Variants in SPESP1 observed in about 807,000 individuals in gnomAD.
The protein encoded by SPESP1 is sperm equatorial segment protein 1.
A neutral mutation model predicts 3.1 loss-of-function variants in SPESP1; 1 was observed. The observed-to-expected ratio is 0.33, with a 90% CI of 0.12 to 1.54. SPESP1 has a LOEUF of 1.54. SPESP1 is among the 40% of genes most tolerant of loss of function. The pLI, the probability that SPESP1 is intolerant of heterozygous loss-of-function variation, is 0.38. For missense variants in SPESP1, 398 were observed against 410.1 expected, an observed-to-expected ratio of 0.97 and a Z score of 0.26; for synonymous variants, 138 against 150.7, an observed-to-expected ratio of 0.92 and a Z score of 0.62.
At chr15:68,933,425 C>G (rs1272369650) in intron 1 of SPESP1, among the ~76,000 whole-genome samples, 1 of 152,098 alleles carries the variant, frequency 6.6e-6, no homozygotes, top group East Asian at 1.9e-4. Context: ...TTTCCTCTAC[C>G]TGATTTTTCC....
chr15:68,935,336 C>G (rs1895656057), intron 1 of SPESP1, among the ~76,000 whole-genome samples: 1 of 152,166 alleles, frequency 6.6e-6, no homozygotes, highest in South Asian at 2.1e-4. Context: ...CTAGACTCAG[C>G]TGGGCAGCTC....
chr15:68,931,977 TACAAC>T (rs1895555251), intron 1 of SPESP1, among the ~76,000 whole-genome samples: 3 of 152,324 alleles, frequency 2.0e-5, no homozygotes, highest in Middle Eastern at 3.4e-3. Context: ...AAACTGAAAA[TACAAC>T]ACAATCTAAA....
chr15:68,945,649 G>C lies in SPESP1; in HGVS notation c.115G>C (p.Val39Leu), dbSNP rs1418911400. Residue 39 changes from valine (V) to leucine (L), a missense_variant, in exon 2 of 2, where the codon GTT (valine) becomes CTT (leucine). Transcript: ENST00000310673. ...EEQNLNHYIQ[V>L]LENLVRSVPS... ...GCAAAACTTGAATCATTATATACAA[G>C]TTTTAGAGAACCTAGTACGAAGTGT... 1.9e-6 allele frequency: 3 copies of C among 1,602,206 alleles called. No homozygotes were observed. The highest frequency in any genetic ancestry group is 2.5e-6 in the Non-Finnish European group (3 of 1,177,126).
At chr15:68,942,158 A>G (rs1595721133) in intron 1 of SPESP1, among the ~76,000 whole-genome samples, 1 of 141,546 alleles carries the variant, frequency 7.1e-6, no homozygotes, top group Non-Finnish European at 1.5e-5. Context: ...TATGTAAACA[A>G]CATCTTATTT....
intron 1 of SPESP1, among the ~76,000 whole-genome samples, chr15:68,933,281 G>A (rs139312404): frequency 3.7e-4 from 56 of 152,212 alleles, no homozygotes; most frequent in Non-Finnish European, 6.5e-4. Flanking sequence ...GCTAGTATTT[G>A]TTTAATCTAA....
chr15:68,946,525 T>G lies in SPESP1; in HGVS notation c.991T>G (p.Phe331Val), dbSNP rs202045582. 12 of 1,590,726 alleles carry G rather than the reference T, an allele frequency of 7.5e-6. No homozygotes were observed. The Admixed American group carries it at 2.0e-4, about 27-fold the overall frequency. The change falls in exon 2 of 2, where the codon TTC becomes GTC. Residue 331 changes from phenylalanine to valine, a missense_variant. Phe to Val is a conservative substitution (Grantham distance 50). Transcript: ENST00000310673. ...PEMREKAATV[F>V]NTLKNMCRSR... ...GATGAGAGAAAAAGCTGCTACAGTA[T>G]TCAATACATTAAAAAATATGTGTAG...
intron 1 of SPESP1, among the ~76,000 whole-genome samples, chr15:68,940,104 T>G (rs1895780591): frequency 6.6e-6 from 1 of 152,166 alleles, no homozygotes; most frequent in Admixed American, 6.5e-5. Flanking sequence ...TTATAATAGC[T>G]TCAGTTATTA....
chr15:68,946,365 A>G lies in SPESP1; in HGVS notation c.831A>G (p.Thr277=), dbSNP rs751528052. The G allele has an allele frequency of 6.2e-7, 1 of 1,614,204 alleles. No individual in the cohort carries two copies. The highest frequency in any genetic ancestry group is 1.1e-5 in the South Asian group (1 of 91,092). Residue 277 remains threonine (T), a synonymous_variant, in exon 2 of 2, where the codon ACA becomes ACG. Coordinates refer to ENST00000310673, the MANE Select transcript of SPESP1 (RefSeq NM_145658.4). ...LAAAAEHKLK[T]MYKSQLLPVG... ...CAGCAGCAGAACATAAATTAAAAAC[A>G]ATGTATAAGTCCCAGTTATTGCCAG...
intron 1 of SPESP1, among the ~76,000 whole-genome samples, chr15:68,932,378 C>T (rs367715774): frequency 6.3e-4 from 95 of 150,916 alleles, no homozygotes; most frequent in African/African-American, 2.2e-3. Flanking sequence ...TCCCCCTCCC[C>T]TTCCCTTTTC....
At chr15:68,936,361 A>G (rs1356480536) in intron 1 of SPESP1, among the ~76,000 whole-genome samples, 1 of 152,254 alleles carries the variant, frequency 6.6e-6, no homozygotes, top group Non-Finnish European at 1.5e-5. Context: ...TATCTACACA[A>G]TGAAATATTA....
chr15:68,935,299 A>G (rs1451155014), intron 1 of SPESP1, among the ~76,000 whole-genome samples: 1 of 152,184 alleles, frequency 6.6e-6, no homozygotes, highest in Non-Finnish European at 1.5e-5. Context: ...CCCCAAATTT[A>G]TCATTTTTCA....
In SPESP1 at chr15:68,945,928, G is replaced by A. The variant is rs1408842347; in HGVS notation, c.394G>A (p.Val132Ile). 2.5e-6 allele frequency: 4 copies of A among 1,613,988 alleles called. No homozygotes were observed. The highest frequency in any genetic ancestry group is 3.4e-6 in the Non-Finnish European group (4 of 1,180,030). The stretch of plus-strand genomic sequence containing the variant: ...GATCAAACCAAACAATGTTTCCATT[G>A]TTTTGCATGCAGAGGAACCTTATAT... ...WSIKPNNVSIVLHAEEPYIEN... is the reference protein window; with the variant it reads ...WSIKPNNVSIILHAEEPYIEN... Residue 132 changes from valine (V) to isoleucine (I), a missense_variant, in exon 2 of 2, where the codon GTT becomes ATT. Transcript: ENST00000310673.
chr15:68,941,088 T>G (rs980784112), intron 1 of SPESP1, among the ~76,000 whole-genome samples: 4 of 152,068 alleles, frequency 2.6e-5, no homozygotes, highest in African/African-American at 9.7e-5. Context: ...GATTTTAATA[T>G]CTGATAAGGC....
chr15:68,931,219 A>G (rs1320582385), intron 1 of SPESP1, among the ~76,000 whole-genome samples: 1 of 148,184 alleles, frequency 6.7e-6, no homozygotes, highest in Non-Finnish European at 1.5e-5. Flanking sequence ...TATATCTCCT[A>G]ATGCTATCCC....
Position 68,946,755 on chromosome 15 carries a change from A to G in SPESP1, c.*168A>G. ...CCAACATCTTTATGTGTCATGTGTTATGAACAATTTTCATATGCACTAAAA... is the reference window on the plus strand; with the variant it reads ...CCAACATCTTTATGTGTCATGTGTTGTGAACAATTTTCATATGCACTAAAA... On this transcript the variant is annotated 3_prime_UTR_variant, in exon 2 of 2. Coordinates refer to ENST00000310673, the MANE Select transcript of SPESP1 (RefSeq NM_145658.4). The G allele has an allele frequency of 1.1e-6, 1 of 901,568 alleles. No individual in the cohort carries two copies. Among genetic ancestry groups the G allele is most frequent in the Non-Finnish European group, 1.5e-6 (1 of 685,904 alleles). 55.8% of individuals were successfully genotyped at this position (901,568 alleles called of 1,614,324 possible).
chr15:68,938,128 A>G (rs1895729971), intron 1 of SPESP1, among the ~76,000 whole-genome samples: 1 of 152,078 alleles, frequency 6.6e-6, no homozygotes, highest in Non-Finnish European at 1.5e-5. Context: ...CTACAGGTGC[A>G]TGTCACCATG....
In SPESP1 at chr15:68,946,563, C is replaced by T; in HGVS notation, c.1029C>T (p.Val343=). 1 of 1,473,168 alleles carries T rather than the reference C, an allele frequency of 6.8e-7. No homozygotes were observed. Among genetic ancestry groups the T allele is most frequent in the Non-Finnish European group, 8.9e-7 (1 of 1,119,932 alleles). The allele number at this position is 1,473,168 out of a possible 1,614,324, so 91.3% of individuals were successfully genotyped here. The part of the protein sequence containing the change: ...TLKNMCRSRR[V]TALLKVY Reference sequence around the variant, plus strand: ...AAAATATGTGTAGATCAAGGAGAGTCACAGCCTTATTAAAAGTTTATTAAA... The same window carrying T: ...AAAATATGTGTAGATCAAGGAGAGTTACAGCCTTATTAAAAGTTTATTAAA... Residue 343 remains valine (V), a synonymous_variant, in exon 2 of 2, where the codon GTC becomes GTT. Transcript: ENST00000310673.
chr15:68,942,165 A>ATTTTTTTTTTT (rs1595721164), intron 1 of SPESP1, among the ~76,000 whole-genome samples: 2 of 133,744 alleles, frequency 1.5e-5, no homozygotes, highest in African/African-American at 6.4e-5. Context: ...ACAACATCTT[A>ATTTTTTTTTTT]TTTCTTTTTT....
intron 1 of SPESP1, among the ~76,000 whole-genome samples, chr15:68,939,367 G>T (rs545235078): frequency 3.3e-5 from 5 of 152,196 alleles, no homozygotes; most frequent in Non-Finnish European, 5.9e-5. Context: ...TCTGTTCCTT[G>T]TAAGAATTTG....
Sources: gnomAD v4.1 joint callset for allele counts (sites outside exome capture counted in the v4.1 genomes callset) on GRCh38, gnomAD v4.1.1 for gene constraint, MANE v1.5 for transcripts, NCBI Gene and HGNC (gene_info 2026-07-23, HGNC 2026-07-21) for gene names.